Variants in VMP1 observed in about 807,000 individuals in gnomAD.
The protein encoded by VMP1 is vacuole membrane protein 1.
VMP1 carries 11 observed loss-of-function variants against 56.0 expected under a neutral mutation model. The observed-to-expected ratio is 0.20, with a 90% confidence interval of 0.12 to 0.32. The LOEUF is 0.32. Ranked by LOEUF, VMP1 falls within the 10% of genes least tolerant of loss-of-function variation. The pLI, the probability that VMP1 is intolerant of heterozygous loss-of-function variation, is 1.00. For synonymous variants in VMP1, 149 were observed against 165.0 expected (o/e 0.90, Z 0.74); for missense variants, 296 against 490.3 (o/e 0.60, Z 3.74).
intron 10 of VMP1, among the ~76,000 whole-genome samples, chr17:59,822,223 A>G (rs563259268): frequency 6.6e-6 from 1 of 152,134 alleles, no homozygotes; most frequent in Admixed American, 6.6e-5. Context: ...CAGATCCCAA[A>G]GGGTATCCTT....
intron 7 of VMP1, among the ~76,000 whole-genome samples, chr17:59,790,238 A>G (rs2037177588): frequency 6.6e-6 from 1 of 152,192 alleles, no homozygotes; most frequent in African/African-American, 2.4e-5. Flanking sequence ...ACTTCAAAAT[A>G]TGACTATCAT....
chr17:59,730,629 G>A (rs1398875198), intron 1 of VMP1, among the ~76,000 whole-genome samples: 3 of 152,164 alleles, frequency 2.0e-5, no homozygotes. Context: ...AGCATTTATT[G>A]TATTAAGGAC....
At chr17:59,759,342 C>T (rs1235088761) in intron 5 of VMP1, among the ~76,000 whole-genome samples, 3 of 151,840 alleles carry the variant, frequency 2.0e-5, no homozygotes, top group Non-Finnish European at 2.9e-5. Flanking sequence ...CCATTGCACT[C>T]CAGCCTGGGC....
chr17:59,734,786 T>C (rs1203627269), intron 2 of VMP1, among the ~76,000 whole-genome samples: 2 of 152,218 alleles, frequency 1.3e-5, no homozygotes, highest in East Asian at 3.8e-4. Flanking sequence ...TTGCTTATTT[T>C]CAGAATTTTC....
chr17:59,792,766 T>A (rs561353746), intron 7 of VMP1, among the ~76,000 whole-genome samples: 1 of 151,424 alleles, frequency 6.6e-6, no homozygotes, highest in South Asian at 2.1e-4. Flanking sequence ...GGAGAATCGC[T>A]TGAACCCAGG....
chr17:59,737,580 A>T, intron 4 of VMP1, 37 bp downstream of exon 4: 1 of 1,509,914 alleles, frequency 6.6e-7, no homozygotes, highest in East Asian at 2.3e-5. Context: ...AGTCTTGCAC[A>T]TTCTCTAATT....
rs975801589 is a variant in VMP1 at position 59,834,349 on chromosome 17, G to T, written c.975-3946G>T. On this transcript the variant is annotated intron_variant, in intron 10 of 11. Coordinates refer to ENST00000262291, the MANE Select transcript of VMP1 (RefSeq NM_030938.5). ...ATGATCTCAGCTCACTGCAACCTCC[G>T]CCTCCCAGGTTCAAGCGGATCCTCC... 4.0e-5 allele frequency among the ~76,000 whole-genome samples: 6 copies of T among 149,360 alleles called. No homozygotes were observed. The East Asian group carries it at 1.2e-3, about 30-fold the overall frequency.
chr17:59,821,075 A>G (rs1480894973), intron 10 of VMP1, among the ~76,000 whole-genome samples: 2 of 147,860 alleles, frequency 1.4e-5, no homozygotes, highest in African/African-American at 5.0e-5. Flanking sequence ...GGTCCATGCC[A>G]TTCTCCTGCC....
At chr17:59,744,156 T>C (rs963496364) in intron 5 of VMP1, among the ~76,000 whole-genome samples, 19 of 151,670 alleles carry the variant, frequency 1.3e-4, no homozygotes, top group Non-Finnish European at 2.5e-4. Context: ...TTTTAGATGA[T>C]AGTGACTAGA....
chr17:59,764,399 G>A (rs2036162220), intron 5 of VMP1, among the ~76,000 whole-genome samples: 1 of 152,106 alleles, frequency 6.6e-6, no homozygotes, highest in African/African-American at 2.4e-5. Flanking sequence ...CACAATCATA[G>A]CCCACTACAG....
chr17:59,831,423 GTCTCCCA>G (rs1272387128), intron 10 of VMP1, among the ~76,000 whole-genome samples: 3 of 152,028 alleles, frequency 2.0e-5, no homozygotes, highest in Non-Finnish European at 4.4e-5. Flanking sequence ...TCCTGCCTCA[GTCTCCCA>G]AAGTGCTGGG....
intron 8 of VMP1, among the ~76,000 whole-genome samples, chr17:59,809,210 T>A (rs2037956385): frequency 6.6e-6 from 1 of 151,452 alleles, no homozygotes; most frequent in African/African-American, 2.4e-5. Context: ...TTGCCCAGGC[T>A]AGTCTCAAAC....
intron 10 of VMP1, among the ~76,000 whole-genome samples, chr17:59,830,867 A>C (rs1420100176): frequency 6.6e-6 from 1 of 152,210 alleles, no homozygotes; most frequent in African/African-American, 2.4e-5. Context: ...TCTGTAGCCC[A>C]GGCTGGAGTG....
intron 7 of VMP1, among the ~76,000 whole-genome samples, chr17:59,798,207 A>C (rs1204737386): frequency 6.6e-6 from 1 of 152,248 alleles, no homozygotes; most frequent in African/African-American, 2.4e-5. Context: ...ATACATCTAT[A>C]CATCGAGAAA....
chr17:59,755,330 G>A (rs1189514867), intron 5 of VMP1, among the ~76,000 whole-genome samples: 1 of 151,772 alleles, frequency 6.6e-6, no homozygotes, highest in Non-Finnish European at 1.5e-5. Flanking sequence ...GGCTGGTCTC[G>A]AACTCCTGAC....
intron 5 of VMP1, among the ~76,000 whole-genome samples, chr17:59,759,770 T>C (rs2035973523): frequency 6.6e-6 from 1 of 152,170 alleles, no homozygotes; most frequent in Admixed American, 6.6e-5. Context: ...AATGTAGTTA[T>C]CAATATGATT....
chr17:59,809,882 A>T (rs1300096256), intron 8 of VMP1, among the ~76,000 whole-genome samples: 1 of 152,234 alleles, frequency 6.6e-6, no homozygotes, highest in Middle Eastern at 3.4e-3. Context: ...GTATTTCATC[A>T]TGTAGTGATG....
intron 5 of VMP1, among the ~76,000 whole-genome samples, chr17:59,759,477 G>A (rs1397504946): frequency 1.3e-5 from 2 of 152,186 alleles, no homozygotes; most frequent in African/African-American, 4.8e-5. Context: ...GTTATTGGTT[G>A]TATACACATT....
chr17:59,710,438 T>G (rs2033872505), intron 1 of VMP1, among the ~76,000 whole-genome samples: 1 of 152,222 alleles, frequency 6.6e-6, no homozygotes, highest in African/African-American at 2.4e-5. Context: ...TATTATGGTT[T>G]GGTAATATTT....
Sources: allele counts gnomAD v4.1 joint callset (sites outside exome capture counted in the v4.1 genomes callset), GRCh38; gene constraint gnomAD v4.1.1; transcripts MANE v1.5; gene names NCBI Gene and HGNC (gene_info 2026-07-23, HGNC 2026-07-21).